NARS2: variants seen among roughly 807,000 people sequenced by gnomAD.
The protein encoded by NARS2 is asparaginyl-tRNA synthetase.
NARS2 carries 60 observed loss-of-function variants against 62.9 expected under a neutral mutation model. The ratio of observed to expected loss-of-function variants is 0.95; its 90% CI spans 0.77 to 1.18. NARS2 has a LOEUF of 1.18. Among genes scored for constraint, NARS2 ranks in the 50% most tolerant of loss-of-function variants. The pLI is 0.00. For missense variants in NARS2, 619 were observed against 576.4 expected, an observed-to-expected ratio of 1.07 and a Z score of -0.76; for synonymous variants, 196 against 200.0, an observed-to-expected ratio of 0.98 and a Z score of 0.17.
intron 7 of NARS2, among the ~76,000 whole-genome samples, chr11:78,490,611 G>A (rs1219188884): frequency 1.3e-5 from 2 of 152,070 alleles, no homozygotes; most frequent in African/African-American, 2.4e-5. Flanking sequence ...GAGCTCAGGA[G>A]TTGAAGACCA....
intron 6 of NARS2, among the ~76,000 whole-genome samples, chr11:78,508,553 C>T (rs1241093905): frequency 2.0e-5 from 3 of 149,364 alleles, no homozygotes; most frequent in Non-Finnish European, 3.0e-5. Context: ...CATGACACTG[C>T]ACTCCAGCCA....
At chr11:78,572,477 G>A (rs17136818) in intron 1 of NARS2, among the ~76,000 whole-genome samples, 2,606 of 152,222 alleles carry the variant, frequency 0.017, 69 homozygotes, top group African/African-American at 0.06. Flanking sequence ...TCTTATCAAC[G>A]AGCTTTTCTG....
At chr11:78,450,016 A>G (rs1236316121) in intron 11 of NARS2, among the ~76,000 whole-genome samples, 1 of 152,210 alleles carries the variant, frequency 6.6e-6, no homozygotes, top group Non-Finnish European at 1.5e-5. Flanking sequence ...TACTAAAAGC[A>G]TTTGTACAGA....
At chr11:78,448,204 T>C (rs1857830682) in intron 11 of NARS2, among the ~76,000 whole-genome samples, 1 of 152,118 alleles carries the variant, frequency 6.6e-6, no homozygotes. Context: ...AAACAATGAC[T>C]TGTCAGAACC....
In NARS2 at chr11:78,436,728, A is replaced by G. The variant is rs780902837; in HGVS notation, c.1376T>C (p.Val459Ala). 1.2e-6 allele frequency: 2 copies of G among 1,614,236 alleles called. No homozygotes were observed. Among genetic ancestry groups the G allele is most frequent in the African/African-American group, 1.3e-5 (1 of 75,064 alleles). Residue 459 changes from valine (V) to alanine (A), a missense_variant, in exon 14 of 14, where the codon GTT (valine) becomes GCT (alanine). Val to Ala is a moderately conservative substitution (Grantham distance 64). Transcript: ENST00000281038. ...FERYLQCILG[V>A]DNIKDVIPFP... ...AGGGATAACATCTTTGATATTGTCA[A>G]CACCCAAGATGCACTGCAGGTAGCG...
intron 1 of NARS2, among the ~76,000 whole-genome samples, chr11:78,572,408 A>G (rs1296187967): frequency 6.6e-6 from 1 of 152,204 alleles, no homozygotes; most frequent in African/African-American, 2.4e-5. Context: ...AGTCCAGGAC[A>G]TAGTCACCGA....
intron 5 of NARS2, among the ~76,000 whole-genome samples, chr11:78,545,417 G>A (rs1210261149): frequency 1.3e-5 from 2 of 151,994 alleles, no homozygotes; most frequent in African/African-American, 4.8e-5. Context: ...TTGAAAACCT[G>A]AGGCTGCTCC....
At chr11:78,566,590 GATTA>G (rs1368034837) in intron 3 of NARS2, among the ~76,000 whole-genome samples, 1 of 152,132 alleles carries the variant, frequency 6.6e-6, no homozygotes, top group Non-Finnish European at 1.5e-5. Flanking sequence ...AATAGGTTAG[GATTA>G]ATTATGCAAA....
chr11:78,500,859 G>A (rs566456447), intron 6 of NARS2, among the ~76,000 whole-genome samples: 81 of 152,300 alleles, frequency 5.3e-4, no homozygotes, highest in South Asian at 2.1e-3. Flanking sequence ...TTGGAAGGCC[G>A]AGGCGGGTGG....
Position 78,492,705 on chromosome 11 carries a change from C to T in NARS2, c.822+358G>A, listed in dbSNP as rs534591861. On this transcript the variant is annotated intron_variant, in intron 7 of 13. Coordinates refer to ENST00000281038, the MANE Select transcript of NARS2 (RefSeq NM_024678.6). ...TCAGAGCTACTATTTAGTGAACCTGCTTGTGTTCCAGACCCCATGCTATAT... is the reference window on the plus strand; with the variant it reads ...TCAGAGCTACTATTTAGTGAACCTGTTTGTGTTCCAGACCCCATGCTATAT... Among the ~76,000 whole-genome samples the T allele has an allele frequency of 1.0e-3, 156 of 152,260 alleles. 1 individual carries two copies. The highest frequency in any genetic ancestry group is 3.6e-3 in the African/African-American group (148 of 41,552).
chr11:78,508,619 C>A lies in NARS2; in HGVS notation c.690-15424G>T, dbSNP rs11237528. 4.6e-3 allele frequency among the ~76,000 whole-genome samples: 672 copies of A among 146,296 alleles called. 2 individuals carry two copies. Among genetic ancestry groups the A allele is most frequent in the Non-Finnish European group, 7.2e-3 (476 of 66,398 alleles). On this transcript the variant is annotated intron_variant, in intron 6 of 13. Transcript: ENST00000281038. ...AAAAAACAAAAAACAAAAAAAAAAC[C>A]ATTGAAGAAATAATGGCTGAAAACT...
In NARS2 at chr11:78,468,310, GA is replaced by G. The variant is rs764254167; in HGVS notation, c.1026+936del. On this transcript the variant is annotated intron_variant, in intron 10 of 13. Transcript: ENST00000281038. ...ACCTGCTTCTGCAAGCACTAAATCT[GA>G]AAAAAAAAAAAAAAAAAGAAAAAAA... 5.0e-3 allele frequency among the ~76,000 whole-genome samples: 335 copies of G among 67,418 alleles called. 1 individual carries two copies. The highest frequency in any genetic ancestry group is 6.0e-3 in the Non-Finnish European group (204 of 34,074). The allele number at this position is 67,418 out of a possible 152,430, so 44.2% of individuals were successfully genotyped here.
At chr11:78,533,856 T>C (rs1280321657) in intron 5 of NARS2, among the ~76,000 whole-genome samples, 1 of 152,216 alleles carries the variant, frequency 6.6e-6, no homozygotes, top group Admixed American at 6.5e-5. Context: ...ACTTTCTCCA[T>C]AGTTTTGTCT....
intron 11 of NARS2, among the ~76,000 whole-genome samples, chr11:78,463,734 A>AAC (rs1858491504): frequency 1.3e-5 from 2 of 150,858 alleles, no homozygotes; most frequent in African/African-American, 4.9e-5. Context: ...AAAAAAAAAA[A>AAC]AAACCACAGG....
chr11:78,500,895 T>C (rs1860256481), intron 6 of NARS2, among the ~76,000 whole-genome samples: 1 of 152,106 alleles, frequency 6.6e-6, no homozygotes, highest in South Asian at 2.1e-4. Context: ...GATTTGAGAC[T>C]AGCCTGGGCA....
chr11:78,457,767 C>T (rs538431753), intron 11 of NARS2, among the ~76,000 whole-genome samples: 28 of 151,160 alleles, frequency 1.9e-4, no homozygotes, highest in Non-Finnish European at 3.8e-4. Flanking sequence ...AGAGAACTAC[C>T]TTTTAAGGAA....
intron 10 of NARS2, 114 bp downstream of exon 10, chr11:78,469,133 A>C: frequency 1.4e-6 from 1 of 704,646 alleles, no homozygotes; most frequent in Non-Finnish European, 2.5e-6. Context: ...AGCAAATGCC[A>C]TATTTTGCTA....
intron 6 of NARS2, among the ~76,000 whole-genome samples, chr11:78,497,245 A>G (rs929814331): frequency 6.6e-6 from 1 of 151,198 alleles, no homozygotes; most frequent in Non-Finnish European, 1.5e-5. Context: ...AAAATTGAAA[A>G]AAAAAAAAAA....
intron 5 of NARS2, among the ~76,000 whole-genome samples, chr11:78,532,565 T>A (rs1489688930): frequency 2.6e-5 from 4 of 152,238 alleles, no homozygotes; most frequent in African/African-American, 9.6e-5. Flanking sequence ...TAAAATGTGA[T>A]TGATTGTAAG....
Sources: gnomAD v4.1 joint callset for allele counts (sites outside exome capture counted in the v4.1 genomes callset) on GRCh38, gnomAD v4.1.1 for gene constraint, MANE v1.5 for transcripts, NCBI Gene and HGNC (gene_info 2026-07-23, HGNC 2026-07-21) for gene names.